C5: variants seen among roughly 807,000 people sequenced by gnomAD.
The protein encoded by C5 is C3 and PZP-like alpha-2-macroglobulin domain-containing protein 4.
A neutral mutation model predicts 218.8 loss-of-function variants in C5; 140 were observed. The ratio of observed to expected loss-of-function variants is 0.64; its 90% CI spans 0.56 to 0.74. The LOEUF (loss-of-function observed/expected upper bound fraction) is 0.74, where lower values mean the gene tolerates loss of function less well. Ranked by LOEUF, C5 falls within the 30% of genes least tolerant of loss-of-function variation. The pLI, the probability that C5 is intolerant of heterozygous loss-of-function variation, is 0.00. For missense variants in C5, 1,700 were observed against 1,969.6 expected, an observed-to-expected ratio of 0.86 and a Z score of 2.59; for synonymous variants, 614 against 682.3, an observed-to-expected ratio of 0.90 and a Z score of 1.56.
chr9:120,961,467 TTAAA>T lies in C5; in HGVS notation c.4588+11_4588+14del, dbSNP rs2046826651. ...TAAATAAGCATGCAGCCTAAATATG[TTAAA>T]TAAAGTTTACCTTCTACACACTTGC... is the stretch of plus-strand genomic sequence containing the variant. On this transcript the variant is annotated intron_variant, in intron 37 of 40. Coordinates refer to ENST00000223642, the MANE Select transcript of C5 (RefSeq NM_001735.3). 3 of 1,562,656 alleles carry T rather than the reference TTAAA, an allele frequency of 1.9e-6. No individual in the cohort carries two copies. The highest frequency in any genetic ancestry group is 2.6e-6 in the Non-Finnish European group (3 of 1,133,212).
chr9:120,952,942 G>T (rs1281216779), intron 40 of C5, 74 bp from the exon 41 acceptor site: 4 of 1,507,302 alleles, frequency 2.7e-6, no homozygotes, highest in Admixed American at 1.7e-5. Flanking sequence ...ATTTTTTTTT[G>T]AGACGGAGTC....
At chr9:121,030,639 C>T (rs1262123914) in intron 6 of C5, 152 bp from the exon 7 acceptor site, 14 of 585,962 alleles carry the variant, frequency 2.4e-5, no homozygotes, top group East Asian at 2.0e-4. Context: ...TCATCATCGT[C>T]ATCACCAACA....
chr9:121,059,268 G>C, the C5 span, among the ~76,000 whole-genome samples: 1 of 152,184 alleles, frequency 6.6e-6, no homozygotes, highest in African/African-American at 2.4e-5. The surrounding 1 kb of genome is among the most constrained non-coding windows in gnomAD (Gnocchi z 4.1). Context: ...ATAAGGCTAA[G>C]AGAAAATCCA....
chr9:121,030,628 GTCA>G, intron 6 of C5, 141 bp from the exon 7 acceptor site: 1 of 583,300 alleles, frequency 1.7e-6, no homozygotes, highest in Non-Finnish European at 3.1e-6. Flanking sequence ...AATCATCATC[GTCA>G]TCATCGTCAT....
In C5 at chr9:121,020,188, A is replaced by G. The variant is rs1564154735; in HGVS notation, c.1303-9T>C. Reference sequence around the variant, plus strand: ...GGAGCATCAGTTTTGACCTGAAAAGAGAAATTTCAAAAAGACATGTATACT... The same window carrying G: ...GGAGCATCAGTTTTGACCTGAAAAGGGAAATTTCAAAAAGACATGTATACT... On this transcript the variant is annotated splice_polypyrimidine_tract_variant and intron_variant, in intron 11 of 40. Transcript: ENST00000223642. The G allele has an allele frequency of 1.2e-6, 2 of 1,605,364 alleles. No individual in the cohort carries two copies. Among genetic ancestry groups the G allele is most frequent in the Admixed American group, 1.7e-5 (1 of 60,010 alleles).
At chr9:121,044,002 T>C (rs1172199410) in intron 2 of C5, among the ~76,000 whole-genome samples, 1 of 152,164 alleles carries the variant, frequency 6.6e-6, no homozygotes, top group East Asian at 1.9e-4. Context: ...AAAGTGTATC[T>C]ATGAAAAATT....
At chr9:121,053,212 G>T (rs2047681640), upstream of C5, among the ~76,000 whole-genome samples, 1 of 152,208 alleles carries the variant, frequency 6.6e-6, no homozygotes, top group South Asian at 2.1e-4. Context: ...TACAAGTTTT[G>T]TTCAAGAGTG....
intron 1 of C5, among the ~76,000 whole-genome samples, chr9:121,047,561 A>G (rs2047638414): frequency 6.6e-6 from 1 of 152,216 alleles, no homozygotes; most frequent in Non-Finnish European, 1.5e-5. Context: ...AAGTGGCCCA[A>G]CAAGCTTGGA....
intron 2 of C5, 110 bp from the exon 3 acceptor site, chr9:121,043,276 A>T (rs573621505): frequency 5.4e-5 from 51 of 941,180 alleles, no homozygotes; most frequent in Non-Finnish European, 8.3e-5. Flanking sequence ...TGTATATGTA[A>T]TCATTTAAAA....
intron 33 of C5, among the ~76,000 whole-genome samples, chr9:120,966,205 T>TC (rs1243205063): frequency 6.6e-6 from 1 of 152,218 alleles, no homozygotes; most frequent in Non-Finnish European, 1.5e-5. Flanking sequence ...GAACATTTTG[T>TC]CCCCAATTTG....
intron 27 of C5, among the ~76,000 whole-genome samples, chr9:120,981,129 A>G (rs2046989919): frequency 6.6e-6 from 1 of 152,232 alleles, no homozygotes; most frequent in Non-Finnish European, 1.5e-5. Context: ...GCCTGCTGCG[A>G]TGCTGCTAAC....
chr9:121,012,656 C>T (rs1293949772), intron 17 of C5, among the ~76,000 whole-genome samples: 1 of 152,148 alleles, frequency 6.6e-6, no homozygotes, highest in African/African-American at 2.4e-5. Context: ...TATTGCTTAA[C>T]AATAGGGCTA....
At chr9:120,975,053 A>G (rs1290340816) in intron 29 of C5, 122 bp from the exon 30 acceptor site, 4 of 1,098,046 alleles carry the variant, frequency 3.6e-6, no homozygotes, top group Non-Finnish European at 5.5e-6. Flanking sequence ...CAGCTGACTC[A>G]GTAAGACTGG....
the C5 span, among the ~76,000 whole-genome samples, chr9:121,061,403 G>A: frequency 6.6e-6 from 1 of 152,068 alleles, no homozygotes; most frequent in Non-Finnish European, 1.5e-5. Context: ...ACAAAAATTA[G>A]CCGGGCGTGG....
chr9:121,019,961 T>C lies in C5; in HGVS notation c.1506+15A>G. 1 of 1,491,272 alleles carries C rather than the reference T, an allele frequency of 6.7e-7. No homozygotes were observed. The highest frequency in any genetic ancestry group is 1.1e-5 in the South Asian group (1 of 88,624). 92.4% of individuals were successfully genotyped at this position (1,491,272 alleles called of 1,614,324 possible). On this transcript the variant is annotated intron_variant, in intron 12 of 40. Coordinates refer to ENST00000223642, the MANE Select transcript of C5 (RefSeq NM_001735.3). ...GGTGGGGGAATAAGATGTAAATCCA[T>C]CATTATGTACTTACCAAGTAATTAT...
At position 121,046,178 on chromosome 9, in the gene C5, G is replaced by A. The variant is rs752358993; in HGVS notation, c.258+13C>T. On this transcript the variant is annotated intron_variant, in intron 2 of 40. Transcript: ENST00000223642. ...GTATATATATATAAAGAAAATAAAG[G>A]ATAAATACATACTGTTAAGATTGCA... The A allele has an allele frequency of 7.1e-6, 10 of 1,408,314 alleles. No homozygotes were observed. The highest frequency in any genetic ancestry group is 1.4e-5 in the African/African-American group (1 of 70,658). The allele number at this position is 1,408,314 out of a possible 1,614,324, so 87.2% of individuals were successfully genotyped here.
At chr9:121,050,404 T>C (rs1470236842), upstream of C5, 1 of 672,892 alleles carries the variant, frequency 1.5e-6, no homozygotes, top group Non-Finnish European at 2.7e-6. Context: ...AAACACCCTT[T>C]CATGCCCAGG....
chr9:120,966,061 T>G (rs573855981), intron 33 of C5, among the ~76,000 whole-genome samples: 2 of 152,336 alleles, frequency 1.3e-5, no homozygotes, highest in East Asian at 3.9e-4. Context: ...TGCTGGCATT[T>G]TTTAATCAGG....
chr9:120,975,767 C>T (rs1402460062), intron 29 of C5, among the ~76,000 whole-genome samples: 1 of 152,126 alleles, frequency 6.6e-6, no homozygotes, highest in Admixed American at 6.6e-5. Flanking sequence ...AAATTTCTGT[C>T]CATTGTAAAT....
Sources: allele counts gnomAD v4.1 joint callset (sites outside exome capture counted in the v4.1 genomes callset), GRCh38; gene constraint gnomAD v4.1.1; non-coding constraint Gnocchi (gnomAD v3.1); transcripts MANE v1.5; gene names NCBI Gene and HGNC (gene_info 2026-07-23, HGNC 2026-07-21).